SGCD: variants seen among roughly 807,000 people sequenced by gnomAD.
SGCD encodes the protein sarcoglycan delta, also known as delta-sarcoglycan.
A neutral mutation model predicts 36.6 loss-of-function variants in SGCD; 18 were observed. The ratio of observed to expected loss-of-function variants is 0.49; its 90% CI spans 0.34 to 0.73. The LOEUF is 0.73. Ranked by LOEUF, SGCD falls within the 30% of genes least tolerant of loss-of-function variation. The probability of loss-of-function intolerance (pLI) is 0.01; values close to 1 mark genes in which losing one functional copy is unlikely to be tolerated. For missense variants in SGCD, 387 were observed against 346.7 expected (o/e 1.12, Z -0.92); for synonymous variants, 133 against 130.6 (o/e 1.02, Z -0.12).
chr5:155,869,296 A>G (rs1755585235), upstream of SGCD, among the ~76,000 whole-genome samples: 1 of 152,188 alleles, frequency 6.6e-6, no homozygotes, highest in East Asian at 1.9e-4. Flanking sequence ...GATATTTAGC[A>G]AAGGTTCAAA....
At chr5:156,243,517 G>T (rs1472317715) in intron 3 of SGCD, among the ~76,000 whole-genome samples, 1 of 152,080 alleles carries the variant, frequency 6.6e-6, no homozygotes, top group Admixed American at 6.5e-5. Context: ...ATTGAGATTG[G>T]AAGCAATACT....
chr5:156,421,731 C>T (rs1773319078), intron 3 of SGCD, among the ~76,000 whole-genome samples: 2 of 151,952 alleles, frequency 1.3e-5, no homozygotes, highest in African/African-American at 4.8e-5. Flanking sequence ...CTGTTGGGGT[C>T]CATTTGGAAA....
chr5:155,855,690 A>T, the SGCD span, among the ~76,000 whole-genome samples: 2 of 152,202 alleles, frequency 1.3e-5, no homozygotes, highest in African/African-American at 4.8e-5. Context: ...TTCTCATGTT[A>T]TAAAAATTTA....
intron 1 of SGCD, among the ~76,000 whole-genome samples, chr5:156,097,881 G>C (rs1207269048): frequency 6.6e-6 from 1 of 152,170 alleles, no homozygotes; most frequent in Non-Finnish European, 1.5e-5. Context: ...CTTTCAGCAC[G>C]TAAGTATTGG....
chr5:156,334,762 G>A (rs1252284842), intron 2 of SGCD, among the ~76,000 whole-genome samples: 1 of 151,960 alleles, frequency 6.6e-6, no homozygotes, highest in African/African-American at 2.4e-5. Context: ...TGAGATCAGA[G>A]CTCTTTGTTG....
chr5:155,978,736 C>T (rs1296899298), intron 1 of SGCD, among the ~76,000 whole-genome samples: 1 of 151,824 alleles, frequency 6.6e-6, no homozygotes, highest in Non-Finnish European at 1.5e-5. Context: ...TATAAATATA[C>T]TCATTTTTGT....
At chr5:156,679,661 TA>T (rs1431908815) in intron 7 of SGCD, among the ~76,000 whole-genome samples, 1 of 152,340 alleles carries the variant, frequency 6.6e-6, no homozygotes, top group Non-Finnish European at 1.5e-5. Flanking sequence ...ACTAAAATTT[TA>T]AAAAAGCAAA....
chr5:156,398,529 G>T (rs1404931215), intron 3 of SGCD, among the ~76,000 whole-genome samples: 2 of 152,172 alleles, frequency 1.3e-5, no homozygotes, highest in Admixed American at 6.5e-5. Flanking sequence ...TGGTAAAGCT[G>T]GCTATTCACC....
At chr5:156,036,890 G>T (rs536228101) in intron 1 of SGCD, among the ~76,000 whole-genome samples, 1 of 152,190 alleles carries the variant, frequency 6.6e-6, no homozygotes, top group Non-Finnish European at 1.5e-5. Flanking sequence ...TATAGACCAA[G>T]CTTTTTCCTG....
chr5:156,153,384 T>G (rs1268962812), intron 3 of SGCD, among the ~76,000 whole-genome samples: 1 of 151,688 alleles, frequency 6.6e-6, no homozygotes, highest in Non-Finnish European at 1.5e-5. Context: ...GCATTTGCAT[T>G]TTCTTTTATT....
intron 1 of SGCD, among the ~76,000 whole-genome samples, chr5:156,014,251 C>T (rs1285841752): frequency 1.3e-5 from 2 of 152,138 alleles, no homozygotes; most frequent in African/African-American, 2.4e-5. Context: ...GTTTCCTTGG[C>T]AATCACTTAC....
chr5:156,591,445 T>A (rs564333663), intron 5 of SGCD, among the ~76,000 whole-genome samples: 53 of 152,326 alleles, frequency 3.5e-4, no homozygotes, highest in Non-Finnish European at 7.1e-4. Flanking sequence ...GTAGTGGGTC[T>A]GAATGGGGAA....
At chr5:156,010,132 T>C (rs1190323273) in intron 1 of SGCD, among the ~76,000 whole-genome samples, 1 of 152,206 alleles carries the variant, frequency 6.6e-6, no homozygotes, top group African/African-American at 2.4e-5. Context: ...AAATCAAATG[T>C]GTGTCATTGG....
At chr5:155,873,840 T>TTAAA (rs1179419337) in intron 1 of SGCD, among the ~76,000 whole-genome samples, 1 of 152,172 alleles carries the variant, frequency 6.6e-6, no homozygotes, top group Non-Finnish European at 1.5e-5. Context: ...AGAAAACAAC[T>TTAAA]TATCCAAAAT....
At chr5:156,188,709 A>C (rs1763822904) in intron 3 of SGCD, among the ~76,000 whole-genome samples, 1 of 138,768 alleles carries the variant, frequency 7.2e-6, no homozygotes. Flanking sequence ...CTCTACATGC[A>C]CAAGATGAAG....
intron 4 of SGCD, among the ~76,000 whole-genome samples, chr5:156,511,809 A>C (rs959016550): frequency 3.3e-5 from 5 of 152,374 alleles, no homozygotes. Context: ...CACATAGTAC[A>C]TGATCAGTAG....
chr5:156,333,231 C>T (rs72813881), intron 2 of SGCD, among the ~76,000 whole-genome samples: 10,731 of 152,140 alleles, frequency 0.071, 395 homozygotes, highest in South Asian at 0.18. Flanking sequence ...ACTATTGAAT[C>T]ACTATAGAAG....
At chr5:156,525,537 T>C (rs1309632642) in intron 4 of SGCD, among the ~76,000 whole-genome samples, 2 of 151,642 alleles carry the variant, frequency 1.3e-5, no homozygotes, top group Non-Finnish European at 2.9e-5. Flanking sequence ...CTTTTCATTT[T>C]GTTGATTTTT....
chr5:156,646,700 A>G (rs1362117733), intron 6 of SGCD, among the ~76,000 whole-genome samples: 1 of 152,208 alleles, frequency 6.6e-6, no homozygotes, highest in Admixed American at 6.6e-5. Flanking sequence ...GTTTAATTGA[A>G]AAACTAATAT....
Sources: allele counts gnomAD v4.1 joint callset (sites outside exome capture counted in the v4.1 genomes callset), GRCh38; gene constraint gnomAD v4.1.1; transcripts MANE v1.5; gene names NCBI Gene and HGNC (gene_info 2026-07-23, HGNC 2026-07-21).